Variants in SOCS5 observed in about 807,000 individuals in gnomAD.
SOCS5 encodes CIS-6.
Under a neutral mutation model 42.8 loss-of-function variants are expected in SOCS5, and 32 were observed. That is an observed-to-expected ratio of 0.75 (90% CI 0.56 to 1.01). The LOEUF is 1.01. Ranked by LOEUF, SOCS5 falls within the 50% of genes least tolerant of loss-of-function variation. SOCS5 has a pLI of 0.00. For missense variants in SOCS5, 627 were observed against 653.0 expected (o/e 0.96, Z 0.43); for synonymous variants, 283 against 229.6 (o/e 1.23, Z -2.10).
Position 46,699,919 on chromosome 2 carries a change from G to T in SOCS5, c.-13+470G>T, listed in dbSNP as rs191957072. Among the ~76,000 whole-genome samples the T allele has an allele frequency of 5.8e-3, 882 of 152,222 alleles. 3 individuals are homozygous for T. The highest frequency in any genetic ancestry group is 8.6e-3 in the Non-Finnish European group (588 of 67,990). On this transcript the variant is annotated intron_variant, in intron 1 of 1. Coordinates refer to ENST00000394861, the MANE Select transcript of SOCS5 (RefSeq NM_144949.3). The surrounding 1 kb of genome is among the most constrained non-coding windows in gnomAD (Gnocchi z 4.8). ...AGAGCCCGATCTGGGGGTCTTCAAG[G>T]TCGAGGAGAAAAGATCCTCTTGGGG...
chr2:46,733,568 C>CAAAAAAAAA (rs1166835596), intron 1 of SOCS5, among the ~76,000 whole-genome samples: 3 of 58,456 alleles, frequency 5.1e-5, no homozygotes, highest in African/African-American at 6.8e-5. Context: ...GACCCTGTCT[C>CAAAAAAAAA]AAAAAAAAAA....
chr2:46,732,926 C>T (rs1481383432), intron 1 of SOCS5, among the ~76,000 whole-genome samples: 3 of 152,074 alleles, frequency 2.0e-5, no homozygotes, highest in Non-Finnish European at 2.9e-5. Flanking sequence ...TCAACTTTCA[C>T]AATAGCTGGT....
At chr2:46,706,687 G>A (rs1672471159) in intron 1 of SOCS5, among the ~76,000 whole-genome samples, 1 of 152,192 alleles carries the variant, frequency 6.6e-6, no homozygotes, top group Non-Finnish European at 1.5e-5. Flanking sequence ...GACCTGGATT[G>A]TTCTAGTGCT....
intron 1 of SOCS5, among the ~76,000 whole-genome samples, chr2:46,721,058 G>A (rs1260806563): frequency 6.6e-6 from 1 of 152,152 alleles, no homozygotes; most frequent in Non-Finnish European, 1.5e-5. Flanking sequence ...CAGGTGTCAT[G>A]TCTACTACCT....
chr2:46,725,780 T>C (rs2103718878), intron 1 of SOCS5, among the ~76,000 whole-genome samples: 1 of 152,320 alleles, frequency 6.6e-6, no homozygotes, highest in East Asian at 1.9e-4. Flanking sequence ...TTCTATCCTT[T>C]AGTAACTCCT....
intron 1 of SOCS5, among the ~76,000 whole-genome samples, chr2:46,700,586 T>C (rs962194755): frequency 1.3e-5 from 2 of 152,258 alleles, no homozygotes; most frequent in Non-Finnish European, 2.9e-5. Context: ...TTTAAAATAT[T>C]TTAACTTGTG....
Position 46,745,122 on chromosome 2 carries a change from G to C in SOCS5, c.-12-13397G>C, listed in dbSNP as rs139966036. On this transcript the variant is annotated intron_variant, in intron 1 of 1. Transcript: ENST00000394861. ...AAGTCTTAATTCATTTCAGATTTCA[G>C]AGAATGTCTTAAGAATTTTGGGGAT... Among the ~76,000 whole-genome samples, 1,190 of 152,096 alleles carry C rather than the reference G, an allele frequency of 7.8e-3. 25 individuals carry two copies. The highest frequency in any genetic ancestry group is 0.027 in the African/African-American group (1,136 of 41,446).
rs1042206925 is a variant in SOCS5 at position 46,761,107 on chromosome 2, A to C, written c.*966A>C. The C allele has an allele frequency of 6.0e-6, 1 of 167,134 alleles. No homozygotes were observed. Among genetic ancestry groups the C allele is most frequent in the African/African-American group, 2.4e-5 (1 of 41,480 alleles). 10.4% of individuals were successfully genotyped at this position (167,134 alleles called of 1,614,324 possible). On this transcript the variant is annotated 3_prime_UTR_variant, in exon 2 of 2. Transcript: ENST00000394861. ...ATTTATCTCTTTTTTGTAAACTCTC[A>C]TAACTGAATTGCTTAAGTATAATTT...
At chr2:46,718,942 T>C (rs1672814689) in intron 1 of SOCS5, among the ~76,000 whole-genome samples, 1 of 152,236 alleles carries the variant, frequency 6.6e-6, no homozygotes, top group Admixed American at 6.5e-5. Context: ...TTTTTAGGAA[T>C]TTATTATAAG....
At chr2:46,747,780 A>G (rs753077306) in intron 1 of SOCS5, among the ~76,000 whole-genome samples, 1 of 152,182 alleles carries the variant, frequency 6.6e-6, no homozygotes, top group Admixed American at 6.5e-5. Context: ...GTAAATAGGC[A>G]TAGAGAAAGA....
chr2:46,731,676 C>T lies in SOCS5; in HGVS notation c.-12-26843C>T, dbSNP rs183199781. ...TACCACAGAAACCAGCAAAATACTG[C>T]GTCCAGTCAGTTCTGCTATAATGAG... is the stretch of plus-strand genomic sequence containing the variant. On this transcript the variant is annotated intron_variant, in intron 1 of 1. Coordinates refer to ENST00000394861, the MANE Select transcript of SOCS5 (RefSeq NM_144949.3). Among the ~76,000 whole-genome samples, 20 of 152,264 alleles carry T rather than the reference C, an allele frequency of 1.3e-4. No individual in the cohort carries two copies. The East Asian group carries it at 3.3e-3, about 25-fold the overall frequency.
intron 1 of SOCS5, among the ~76,000 whole-genome samples, chr2:46,703,330 A>G (rs753880797): frequency 6.6e-6 from 1 of 150,968 alleles, no homozygotes; most frequent in Non-Finnish European, 1.5e-5. Context: ...AGAAAGCCAC[A>G]TGTAGCCATC....
At chr2:46,729,033 A>G (rs1170654059) in intron 1 of SOCS5, among the ~76,000 whole-genome samples, 2 of 152,190 alleles carry the variant, frequency 1.3e-5, no homozygotes, top group African/African-American at 4.8e-5. Flanking sequence ...AGACCCCATA[A>G]TTCGTTTTGA....
intron 1 of SOCS5, among the ~76,000 whole-genome samples, chr2:46,756,750 G>A (rs1673739312): frequency 6.6e-6 from 1 of 152,158 alleles, no homozygotes; most frequent in Non-Finnish European, 1.5e-5. Context: ...CATCTACAAA[G>A]ATAATGGAGT....
At chr2:46,748,603 T>A (rs2103752178) in intron 1 of SOCS5, among the ~76,000 whole-genome samples, 1 of 152,310 alleles carries the variant, frequency 6.6e-6, no homozygotes, top group Admixed American at 6.5e-5. Context: ...GTCAAATTAT[T>A]TTCCATTAGT....
Position 46,759,614 on chromosome 2 carries a change from C to T in SOCS5, c.1084C>T (p.Gln362Ter). ...ACAGGGAGCTTGGAAAGTCCACACACAGATTGATTACATACACTGCCTCGT... is the reference window on the plus strand; with the variant it reads ...ACAGGGAGCTTGGAAAGTCCACACATAGATTGATTACATACACTGCCTCGT... The part of the protein sequence containing the change: ...SRQGAWKVHT[Q>*]IDYIHCLVPD... Residue 362 changes from glutamine (Q) to a stop codon, truncating the protein, a stop_gained, in exon 2 of 2, where the codon CAG becomes TAG. Coordinates refer to ENST00000394861, the MANE Select transcript of SOCS5 (RefSeq NM_144949.3). LOFTEE classifies it high-confidence loss of function. 5 of 1,614,022 alleles carry T rather than the reference C, an allele frequency of 3.1e-6. No individual in the cohort carries two copies. The highest frequency in any genetic ancestry group is 4.2e-6 in the Non-Finnish European group (5 of 1,179,874).
intron 1 of SOCS5, among the ~76,000 whole-genome samples, chr2:46,755,357 A>G (rs1202551281): frequency 2.6e-5 from 4 of 152,162 alleles, no homozygotes; most frequent in Non-Finnish European, 5.9e-5. Context: ...TGTAATAGAT[A>G]CTAGTTGGCA....
intron 1 of SOCS5, among the ~76,000 whole-genome samples, chr2:46,703,038 G>C (rs1234096474): frequency 6.6e-6 from 1 of 152,072 alleles, no homozygotes; most frequent in Non-Finnish European, 1.5e-5. Flanking sequence ...TCATGCAAGA[G>C]CTCTATTTTA....
Position 46,758,511 on chromosome 2 carries a change from G to C in SOCS5, c.-12-8G>C, listed in dbSNP as rs765927090. 2 of 1,554,352 alleles carry C rather than the reference G, an allele frequency of 1.3e-6. No homozygotes were observed. Among genetic ancestry groups the C allele is most frequent in the Non-Finnish European group, 1.7e-6 (2 of 1,148,806 alleles). Reference sequence around the variant, plus strand: ...TTTATTTTTCTCTTTTTGCTGTTTTGTCTTTAGATTTTATAATCAATGGAT... The same window carrying C: ...TTTATTTTTCTCTTTTTGCTGTTTTCTCTTTAGATTTTATAATCAATGGAT... On this transcript the variant is annotated splice_polypyrimidine_tract_variant and splice_region_variant and intron_variant, in intron 1 of 1. Coordinates refer to ENST00000394861, the MANE Select transcript of SOCS5 (RefSeq NM_144949.3).
Sources: gnomAD v4.1 joint callset for allele counts (sites outside exome capture counted in the v4.1 genomes callset) on GRCh38, gnomAD v4.1.1 for gene constraint, Gnocchi (gnomAD v3.1) non-coding constraint, MANE v1.5 for transcripts, NCBI Gene and HGNC (gene_info 2026-07-23, HGNC 2026-07-21) for gene names.